The following SLC4A10 variants were observed in gnomAD, a reference collection of about 807,000 sequenced individuals.
The protein encoded by SLC4A10 is sodium-driven chloride bicarbonate exchanger.
Under a neutral mutation model 137.7 loss-of-function variants are expected in SLC4A10, and 42 were observed. That is an observed-to-expected ratio of 0.30 (90% CI 0.24 to 0.39). The LOEUF (loss-of-function observed/expected upper bound fraction) is 0.39. Among genes scored for constraint, SLC4A10 ranks in the 10% least tolerant of loss-of-function variants. The probability of loss-of-function intolerance (pLI) is 1.00; values close to 1 mark genes in which losing one functional copy is unlikely to be tolerated. For missense variants in SLC4A10, 925 were observed against 1,355.0 expected, an observed-to-expected ratio of 0.68 and a Z score of 4.98; for synonymous variants, 474 against 464.1, an observed-to-expected ratio of 1.02 and a Z score of -0.27.
At chr2:161,855,685 A>G (rs1048151489) in intron 5 of SLC4A10, among the ~76,000 whole-genome samples, 1 of 152,116 alleles carries the variant, frequency 6.6e-6, no homozygotes, top group African/African-American at 2.4e-5. Context: ...ACAGACAGGT[A>G]TATTTAGGAA....
rs539600128 is a variant in SLC4A10, at chr2:161,984,657, T to C, written c.*1505T>C. The C allele has an allele frequency of 6.6e-6, 1 of 152,150 alleles. No homozygotes were observed. The highest frequency in any genetic ancestry group is 1.9e-4 in the East Asian group (1 of 5,178). 9.4% of individuals were successfully genotyped at this position (152,150 alleles called of 1,614,324 possible). A position where few individuals can be genotyped will look rare whatever the true frequency, so the allele number is the denominator to read the frequency against. On this transcript the variant is annotated 3_prime_UTR_variant, in exon 27 of 27. Transcript: ENST00000446997. ...CTACATTTTGAGACCTTTTAAAAAT[T>C]CCCCTCACAATTCTTTAAGGAGCCC... is the stretch of plus-strand genomic sequence containing the variant.
chr2:161,765,775 G>A (rs13022437), intron 1 of SLC4A10, among the ~76,000 whole-genome samples: 34,513 of 151,984 alleles, frequency 0.23, 4,738 homozygotes, highest in African/African-American at 0.39. Flanking sequence ...GATGTTCAAT[G>A]AATCTAGAGA....
chr2:161,690,547 T>A (rs1341197016), intron 1 of SLC4A10, among the ~76,000 whole-genome samples: 1 of 152,154 alleles, frequency 6.6e-6, no homozygotes, highest in African/African-American at 2.4e-5. Context: ...TCAACCCAAA[T>A]GCCCATCAAT....
intron 1 of SLC4A10, among the ~76,000 whole-genome samples, chr2:161,690,246 T>C (rs138284995): frequency 0.075 from 11,346 of 152,156 alleles, 541 homozygotes; most frequent in East Asian, 0.14. Flanking sequence ...CACAATGAAA[T>C]ACCATCTCAT....
At chr2:161,780,340 C>T (rs1269195066) in intron 2 of SLC4A10, among the ~76,000 whole-genome samples, 2 of 152,062 alleles carry the variant, frequency 1.3e-5, no homozygotes, top group African/African-American at 4.8e-5. Context: ...AAAATGGAAT[C>T]TCTCATTATA....
intron 1 of SLC4A10, among the ~76,000 whole-genome samples, chr2:161,760,770 A>G (rs1022472054): frequency 6.6e-6 from 1 of 151,966 alleles, no homozygotes; most frequent in Non-Finnish European, 1.5e-5. Context: ...GTATTACTGC[A>G]CTCATATCAA....
intron 19 of SLC4A10, among the ~76,000 whole-genome samples, chr2:161,952,158 A>C (rs192247360): frequency 7.9e-5 from 12 of 152,280 alleles, no homozygotes; most frequent in Admixed American, 1.3e-4. Context: ...AAATGGATTC[A>C]GGCAGCATTT....
chr2:161,637,731 C>A (rs1275450099), intron 1 of SLC4A10, among the ~76,000 whole-genome samples: 1 of 151,986 alleles, frequency 6.6e-6, no homozygotes, highest in Non-Finnish European at 1.5e-5. Context: ...CAAATTTATT[C>A]TCACCAGTTG....
At chr2:161,757,977 A>G (rs916693272) in intron 1 of SLC4A10, among the ~76,000 whole-genome samples, 1 of 151,980 alleles carries the variant, frequency 6.6e-6, no homozygotes, top group Non-Finnish European at 1.5e-5. Flanking sequence ...CAAGAATCCT[A>G]CGTATATTTT....
At chr2:161,785,048 G>C (rs1327711744) in intron 2 of SLC4A10, among the ~76,000 whole-genome samples, 8 of 151,408 alleles carry the variant, frequency 5.3e-5, no homozygotes, top group African/African-American at 1.9e-4. Flanking sequence ...ATATTAAAGA[G>C]GAGGTATTAC....
intron 15 of SLC4A10, among the ~76,000 whole-genome samples, chr2:161,907,352 G>A (rs974259254): frequency 2.0e-5 from 3 of 152,120 alleles, no homozygotes; most frequent in Non-Finnish European, 4.4e-5. Flanking sequence ...ATTGATACAC[G>A]CCTTTTCATT....
chr2:161,908,927 C>G (rs1685134185), intron 15 of SLC4A10, among the ~76,000 whole-genome samples: 1 of 151,798 alleles, frequency 6.6e-6, no homozygotes, highest in African/African-American at 2.4e-5. Flanking sequence ...TTAAGTAAGA[C>G]AAATGCTCAA....
chr2:161,697,093 A>G (rs1335702746), intron 1 of SLC4A10, among the ~76,000 whole-genome samples: 2 of 152,182 alleles, frequency 1.3e-5, no homozygotes, highest in African/African-American at 4.8e-5. Flanking sequence ...TTTTGGCTGC[A>G]TAGATGTCTT....
intron 3 of SLC4A10, among the ~76,000 whole-genome samples, chr2:161,823,746 T>G (rs1169518581): frequency 3.3e-5 from 5 of 152,252 alleles, no homozygotes; most frequent in Admixed American, 3.3e-4. Flanking sequence ...TTTATGATTT[T>G]TGTAAGAGAA....
At chr2:161,653,131 C>T (rs1424872609) in intron 1 of SLC4A10, among the ~76,000 whole-genome samples, 2 of 151,954 alleles carry the variant, frequency 1.3e-5, no homozygotes, top group South Asian at 2.1e-4. Flanking sequence ...GTTAGTATGC[C>T]GAGAATGATG....
intron 8 of SLC4A10, among the ~76,000 whole-genome samples, chr2:161,875,414 CT>C (rs2061401691): frequency 6.6e-6 from 1 of 152,062 alleles, no homozygotes; most frequent in African/African-American, 2.4e-5. Context: ...AAAAAAAGGT[CT>C]TTATTCATCT....
intron 15 of SLC4A10, chr2:161,931,191 G>A (rs1158547054): frequency 6.6e-6 from 1 of 152,228 alleles, no homozygotes; most frequent in Non-Finnish European, 1.5e-5. Context: ...TCAATATCCT[G>A]AGATGATTGG....
At chr2:161,859,095 C>T (rs75483955) in intron 5 of SLC4A10, among the ~76,000 whole-genome samples, 5,276 of 152,078 alleles carry the variant, frequency 0.035, 286 homozygotes, top group African/African-American at 0.12. Context: ...AAAGTTAAGA[C>T]AATGGGTTTT....
intron 1 of SLC4A10, among the ~76,000 whole-genome samples, chr2:161,702,720 A>G (rs1477361724): frequency 1.3e-5 from 2 of 151,808 alleles, no homozygotes; most frequent in African/African-American, 4.8e-5. Flanking sequence ...TACATTTATC[A>G]TTGCGTTGGT....
Sources: allele counts gnomAD v4.1 joint callset (sites outside exome capture counted in the v4.1 genomes callset), GRCh38; gene constraint gnomAD v4.1.1; transcripts MANE v1.5; gene names NCBI Gene and HGNC (gene_info 2026-07-23, HGNC 2026-07-21).